The following PPM1D variants were observed in gnomAD, a reference collection of about 807,000 sequenced individuals.
The protein encoded by PPM1D is protein phosphatase 1D.
In PPM1D, 52 loss-of-function variants were observed where a neutral mutation model predicts 58.3. The observed-to-expected ratio is 0.89, with a 90% CI of 0.71 to 1.12. The LOEUF is 1.12. Ranked by LOEUF, PPM1D falls within the 50% of genes most tolerant of loss-of-function variation. The pLI, the probability that PPM1D is intolerant of heterozygous loss-of-function variation, is 0.00. For synonymous variants in PPM1D, 278 were observed against 285.1 expected (o/e 0.98, Z 0.25); for missense variants, 564 against 777.2 (o/e 0.73, Z 3.26).
chr17:60,623,489 G>A (rs2030746102), intron 1 of PPM1D, 32 bp from the exon 2 acceptor site: 2 of 1,577,460 alleles, frequency 1.3e-6, no homozygotes. Flanking sequence ...GTTTATACTT[G>A]CAAGAGTGAA....
At chr17:60,652,470 T>C (rs373844762) in intron 4 of PPM1D, among the ~76,000 whole-genome samples, 4 of 152,054 alleles carry the variant, frequency 2.6e-5, no homozygotes, top group African/African-American at 7.2e-5. Flanking sequence ...AGTGCAGATA[T>C]ACCTTCAGTG....
At chr17:60,660,812 ATT>A (rs1244635732) in intron 5 of PPM1D, among the ~76,000 whole-genome samples, 4 of 152,090 alleles carry the variant, frequency 2.6e-5, no homozygotes, top group Non-Finnish European at 5.9e-5. Flanking sequence ...CTTTCATTTT[ATT>A]TTTTGAACCT....
chr17:60,621,104 G>A (rs1016657283), intron 1 of PPM1D, among the ~76,000 whole-genome samples: 3 of 151,626 alleles, frequency 2.0e-5, no homozygotes, highest in African/African-American at 7.3e-5. Flanking sequence ...TATATTTTCA[G>A]TAGAGATGGG....
chr17:60,657,276 A>G (rs2031458644), intron 5 of PPM1D, among the ~76,000 whole-genome samples: 1 of 152,188 alleles, frequency 6.6e-6, no homozygotes, highest in African/African-American at 2.4e-5. Flanking sequence ...AGCAGACGTT[A>G]CAACTGGTTG....
At chr17:60,627,916 G>A (rs1005366007) in intron 2 of PPM1D, among the ~76,000 whole-genome samples, 2 of 141,612 alleles carry the variant, frequency 1.4e-5, no homozygotes, top group African/African-American at 5.3e-5. Flanking sequence ...CTTGAGTTTT[G>A]CTCTTATTGC....
rs560432605 is a variant in PPM1D at position 60,608,809 on chromosome 17, G to A, written c.472+7923G>A. On this transcript the variant is annotated intron_variant, in intron 1 of 5. Transcript: ENST00000305921. ...GTCGCCCAGGCTGGAGTGCAGTGGC[G>A]CTATCTTGGCTCACTGCAAGCTCTG... Among the ~76,000 whole-genome samples the A allele has an allele frequency of 3.4e-3, 507 of 150,826 alleles. 1 individual carries two copies. The highest frequency in any genetic ancestry group is 0.012 in the African/African-American group (483 of 41,114).
At position 60,600,348 on chromosome 17, in the gene PPM1D, C is replaced by T; in HGVS notation, c.-67C>T. On this transcript the variant is annotated 5_prime_UTR_variant, in exon 1 of 6. Transcript: ENST00000305921. ...TAAACAATAGTTGGCCGGCGAGCGC[C>T]TAGTGTGTCTCCCGCCGCCGGATTC... 1 of 1,529,712 alleles carries T rather than the reference C, an allele frequency of 6.5e-7. No individual in the cohort carries two copies. Among genetic ancestry groups the T allele is most frequent in the Non-Finnish European group, 8.8e-7 (1 of 1,140,072 alleles). The allele number at this position is 1,529,712 out of a possible 1,614,324, so 94.8% of individuals were successfully genotyped here.
At position 60,663,196 on chromosome 17, in the gene PPM1D, G is replaced by A. The variant is rs1357461437; in HGVS notation, c.1462G>A (p.Asp488Asn). The A allele has an allele frequency of 6.2e-7, 1 of 1,614,110 alleles. No homozygotes were observed. The highest frequency in any genetic ancestry group is 8.5e-7 in the Non-Finnish European group (1 of 1,179,968). The change falls in exon 6 of 6, where the codon GAT (aspartate) becomes AAT (asparagine). Residue 488 changes from aspartate (D) to asparagine (N), a missense_variant. This residue lies in a region of PPM1D where 261 missense variants were observed against 270.1 expected (regional missense o/e 0.97). Coordinates refer to ENST00000305921, the MANE Select transcript of PPM1D (RefSeq NM_003620.4). ...CAKALTLRIHDSLNNSLPIGL... is the reference protein window; with the variant it reads ...CAKALTLRIHNSLNNSLPIGL... ...TAAAGCCCTGACTTTAAGGATACAT[G>A]ATTCTTTGAATAATAGCCTTCCAAT...
At chr17:60,647,836 G>A (rs1346041553) in intron 3 of PPM1D, 56 bp from the exon 4 acceptor site, 3 of 1,484,904 alleles carry the variant, frequency 2.0e-6, no homozygotes, top group Non-Finnish European at 2.8e-6. Flanking sequence ...ATCTGTTGCT[G>A]TTGTACTATT....
chr17:60,648,341 T>A (rs187342163), intron 4 of PPM1D, among the ~76,000 whole-genome samples: 1 of 152,228 alleles, frequency 6.6e-6, no homozygotes. Flanking sequence ...TGCTAATTCC[T>A]TATTTTTTTA....
chr17:60,617,148 G>C lies in PPM1D; in HGVS notation c.473-6373G>C, dbSNP rs1475214035. On this transcript the variant is annotated intron_variant, in intron 1 of 5. Transcript: ENST00000305921. ...AAAAAATTTTTTTTTTTTTTTTGTA[G>C]AGACAGAATGTGGCTGTGTTCCCCA... Among the ~76,000 whole-genome samples the C allele has an allele frequency of 2.0e-3, 288 of 144,582 alleles. 5 individuals are homozygous for C. The highest frequency in any genetic ancestry group is 1.4e-4 in the Non-Finnish European group (9 of 66,400). The allele number at this position is 144,582 out of a possible 152,430, so 94.9% of individuals were successfully genotyped here.
At chr17:60,636,781 TC>T (rs1266679862) in intron 3 of PPM1D, among the ~76,000 whole-genome samples, 1 of 151,890 alleles carries the variant, frequency 6.6e-6, no homozygotes, top group Non-Finnish European at 1.5e-5. Context: ...GCTCAAGTGT[TC>T]CCCCAGCCTC....
chr17:60,608,808 C>T (rs540032799), intron 1 of PPM1D, among the ~76,000 whole-genome samples: 178 of 151,030 alleles, frequency 1.2e-3, no homozygotes, highest in African/African-American at 4.1e-3. Context: ...AGTGCAGTGG[C>T]GCTATCTTGG....
chr17:60,640,275 C>T (rs2031107749), intron 3 of PPM1D, among the ~76,000 whole-genome samples: 2 of 152,276 alleles, frequency 1.3e-5, no homozygotes, highest in South Asian at 4.1e-4. Context: ...CACTGTACTC[C>T]AGCTTGGGCA....
intron 3 of PPM1D, among the ~76,000 whole-genome samples, chr17:60,641,599 T>G (rs1353369864): frequency 1.3e-5 from 2 of 152,216 alleles, no homozygotes; most frequent in African/African-American, 4.8e-5. Flanking sequence ...TAGGTCCTAC[T>G]TGTCAATTTT....
intron 3 of PPM1D, among the ~76,000 whole-genome samples, chr17:60,637,840 T>C (rs989008898): frequency 3.3e-5 from 5 of 152,130 alleles, no homozygotes; most frequent in African/African-American, 7.2e-5. Flanking sequence ...GTAAAACAAC[T>C]AACAGCTGTA....
chr17:60,633,710 C>T, intron 2 of PPM1D, 143 bp from the exon 3 acceptor site: 4 of 916,718 alleles, frequency 4.4e-6, no homozygotes, highest in Non-Finnish European at 6.2e-6. Flanking sequence ...GGAATTTTGG[C>T]TTATGCATCT....
chr17:60,637,743 G>A (rs939458205), intron 3 of PPM1D, among the ~76,000 whole-genome samples: 4 of 151,994 alleles, frequency 2.6e-5, no homozygotes, highest in Non-Finnish European at 4.4e-5. Flanking sequence ...GTTAAGACTC[G>A]GGGGATGTGC....
Position 60,600,778 on chromosome 17 carries a change from G to T in PPM1D, c.364G>T (p.Gly122Cys). The change falls in exon 1 of 6, where the codon GGT becomes TGT. Residue 122 changes from glycine to cysteine, a missense_variant. By Grantham distance (159) the Gly-to-Cys change is radical. Around this residue, in one of 7 missense-constraint regions of PPM1D, gnomAD observed 23 missense variants for 28.9 expected, o/e 0.80. Transcript: ENST00000305921. ...ACAGTTTGCCCGGGAGCACTTGTGG[G>T]GTTTCATCAAGAAGCAGAAGGGTTT... ...AAQFAREHLW[G>C]FIKKQKGFTS... The T allele has an allele frequency of 6.2e-7, 1 of 1,612,834 alleles. No individual in the cohort carries two copies. Among genetic ancestry groups the T allele is most frequent in the Non-Finnish European group, 8.5e-7 (1 of 1,179,978 alleles).
Sources: allele counts gnomAD v4.1 joint callset (sites outside exome capture counted in the v4.1 genomes callset), GRCh38; gene constraint gnomAD v4.1.1; regional missense constraint gnomAD v4.1.1; transcripts MANE v1.5; gene names NCBI Gene and HGNC (gene_info 2026-07-23, HGNC 2026-07-21).